Variants in SHCBP1 observed in about 807,000 individuals in gnomAD.
SHCBP1 encodes SHC binding and spindle associated 1, also known as SHC SH2 domain-binding protein 1.
In SHCBP1, 60 loss-of-function variants were observed where a neutral mutation model predicts 75.1. The ratio of observed to expected loss-of-function variants is 0.80; its 90% CI spans 0.65 to 0.99. The LOEUF is 0.99. Ranked by LOEUF, SHCBP1 falls within the 50% of genes least tolerant of loss-of-function variation. SHCBP1 has a pLI of 0.00. For synonymous variants in SHCBP1, 290 were observed against 293.2 expected, an observed-to-expected ratio of 0.99 and a Z score of 0.11; for missense variants, 709 against 809.4, an observed-to-expected ratio of 0.88 and a Z score of 1.50.
intron 1 of SHCBP1, among the ~76,000 whole-genome samples, chr16:46,620,193 C>T (rs760536337): frequency 2.0e-5 from 3 of 152,190 alleles, no homozygotes; most frequent in African/African-American, 4.8e-5. Flanking sequence ...TTATGATCTA[C>T]TCTGTTAGCA....
chr16:46,583,791 C>T, intron 11 of SHCBP1, 134 bp from the exon 12 acceptor site: 3 of 1,098,384 alleles, frequency 2.7e-6, no homozygotes, highest in Non-Finnish European at 3.9e-6. Flanking sequence ...GCACAGTCTG[C>T]ACCCTTAGTG....
chr16:46,587,289 A>G (rs1964968458), intron 10 of SHCBP1, among the ~76,000 whole-genome samples: 1 of 152,168 alleles, frequency 6.6e-6, no homozygotes. Flanking sequence ...TAAAAAAGTT[A>G]TATGAAGAGA....
chr16:46,608,468 G>A, intron 4 of SHCBP1, 79 bp from the exon 5 acceptor site: 1 of 910,922 alleles, frequency 1.1e-6, no homozygotes, highest in Non-Finnish European at 1.8e-6. Context: ...GAGCTAAAGA[G>A]TAAATCAAAA....
chr16:46,590,877 T>C (rs561331572), intron 10 of SHCBP1, among the ~76,000 whole-genome samples: 12 of 152,334 alleles, frequency 7.9e-5, no homozygotes, highest in African/African-American at 2.6e-4. Context: ...TGTATCTTTA[T>C]TGAGGCACTA....
intron 5 of SHCBP1, among the ~76,000 whole-genome samples, chr16:46,607,575 G>A (rs1296990214): frequency 1.3e-5 from 2 of 151,870 alleles, no homozygotes; most frequent in East Asian, 3.9e-4. Context: ...CAAACGGGGG[G>A]AAAAAAATCA....
chr16:46,608,183 G>T, intron 5 of SHCBP1, 114 bp downstream of exon 5: 1 of 636,974 alleles, frequency 1.6e-6, no homozygotes. Context: ...CAGAGAGAGA[G>T]AGTGAGTGAG....
chr16:46,618,164 G>A (rs766065332), intron 2 of SHCBP1, 41 bp downstream of exon 2: 60 of 1,550,746 alleles, frequency 3.9e-5, no homozygotes, highest in East Asian at 2.7e-4. Context: ...CAACAAGAGC[G>A]AAACTCCATC....
chr16:46,600,055 G>T, intron 8 of SHCBP1, 93 bp from the exon 9 acceptor site: 1 of 1,390,422 alleles, frequency 7.2e-7, no homozygotes, highest in East Asian at 2.4e-5. Context: ...TTAAATGACT[G>T]CAGATGATAA....
chr16:46,615,900 CAA>C (rs1965488788), intron 4 of SHCBP1, 44 bp downstream of exon 4: 1 of 1,593,162 alleles, frequency 6.3e-7, no homozygotes, highest in Non-Finnish European at 8.6e-7. Context: ...TCATTTCATC[CAA>C]AGTTTCTGGC....
intron 5 of SHCBP1, among the ~76,000 whole-genome samples, chr16:46,606,007 T>TA (rs1001160265): frequency 1.3e-5 from 2 of 151,512 alleles, no homozygotes; most frequent in Admixed American, 6.6e-5. Flanking sequence ...ATTTTAAAAA[T>TA]AAAAAAAAGA....
intron 7 of SHCBP1, 56 bp downstream of exon 7, chr16:46,603,919 C>T: frequency 1.3e-6 from 2 of 1,553,144 alleles, no homozygotes; most frequent in African/African-American, 1.4e-5. Flanking sequence ...TTTGTGAAAA[C>T]CTGTGGTGAA....
intron 10 of SHCBP1, among the ~76,000 whole-genome samples, chr16:46,590,816 G>A (rs543141807): frequency 1.3e-5 from 2 of 152,156 alleles, no homozygotes; most frequent in South Asian, 4.1e-4. Context: ...CCCATTACTG[G>A]GTATATACCC....
In SHCBP1 at chr16:46,612,572, G is replaced by A. The variant is rs945960807; in HGVS notation, c.596+3374C>T. 4.6e-5 allele frequency among the ~76,000 whole-genome samples: 7 copies of A among 152,080 alleles called. No homozygotes were observed. The South Asian group carries it at 1.5e-3, about 32-fold the overall frequency. ...GCCCTCAAAAAGAAGTCCTGAACGT[G>A]GTACTATAAATAGATTCATAATCTG... On this transcript the variant is annotated intron_variant, in intron 4 of 12. Coordinates refer to ENST00000303383, the MANE Select transcript of SHCBP1 (RefSeq NM_024745.5).
intron 9 of SHCBP1, among the ~76,000 whole-genome samples, chr16:46,598,198 A>T (rs777361215): frequency 6.6e-6 from 1 of 152,178 alleles, no homozygotes; most frequent in Non-Finnish European, 1.5e-5. Flanking sequence ...TCTTAATGAC[A>T]TCTAGAATGA....
At chr16:46,591,452 C>T (rs1965046992) in intron 10 of SHCBP1, among the ~76,000 whole-genome samples, 1 of 152,194 alleles carries the variant, frequency 6.6e-6, no homozygotes, top group East Asian at 1.9e-4. Context: ...AACATGCTGA[C>T]TCACCAAAAA....
chr16:46,581,750 A>C lies in SHCBP1; in HGVS notation c.1998T>G (p.Ser666Arg). 1 of 1,613,500 alleles carries C rather than the reference A, an allele frequency of 6.2e-7. No individual in the cohort carries two copies. The highest frequency in any genetic ancestry group is 1.3e-5 in the African/African-American group (1 of 75,008). ...GNQFKWNGKG[S>R]FGTFLF ...GTAGTCAGAAAAGAAATGTGCCAAA[A>C]CTACCTTTCCCATTCCACTTGAACT... The change falls in exon 13 of 13, where the codon AGT becomes AGG. Residue 666 changes from serine to arginine, a missense_variant. Coordinates refer to ENST00000303383, the MANE Select transcript of SHCBP1 (RefSeq NM_024745.5).
chr16:46,613,446 ACTGT>A (rs1174794109), intron 4 of SHCBP1, among the ~76,000 whole-genome samples: 1 of 152,102 alleles, frequency 6.6e-6, no homozygotes, highest in Non-Finnish European at 1.5e-5. Flanking sequence ...AAATCCCCGC[ACTGT>A]CTGGCCCCTG....
At chr16:46,588,715 G>T (rs900632150) in intron 10 of SHCBP1, among the ~76,000 whole-genome samples, 7 of 152,106 alleles carry the variant, frequency 4.6e-5, no homozygotes, top group Admixed American at 1.3e-4. Context: ...AGGACCAGAC[G>T]GATTCACAGC....
At position 46,581,893 on chromosome 16, in the gene SHCBP1, T is replaced by C. The variant is rs1964877231; in HGVS notation, c.1855A>G (p.Ile619Val). The change falls in exon 13 of 13, where the codon ATT becomes GTT. Residue 619 changes from isoleucine (I) to valine (V), a missense_variant. Physicochemically the swap from Ile to Val is conservative, Grantham distance 29. Transcript: ENST00000303383. ...EGNCEIVNEL[I>V]AASTQKGQIK... ...TGGCCTTTCTGTGTGGAGGCAGCAATTAGTTCATTTACAATTTCACAATTT... is the reference window on the plus strand; with the variant it reads ...TGGCCTTTCTGTGTGGAGGCAGCAACTAGTTCATTTACAATTTCACAATTT... 6.2e-7 allele frequency: 1 copy of C among 1,614,174 alleles called. No homozygotes were observed. The highest frequency in any genetic ancestry group is 8.5e-7 in the Non-Finnish European group (1 of 1,180,030).
Sources: gnomAD v4.1 joint callset for allele counts (sites outside exome capture counted in the v4.1 genomes callset) on GRCh38, gnomAD v4.1.1 for gene constraint, MANE v1.5 for transcripts, NCBI Gene and HGNC (gene_info 2026-07-23, HGNC 2026-07-21) for gene names.